REG1B: variants seen among roughly 807,000 people sequenced by gnomAD.
The protein encoded by REG1B is lithostathine-1-beta.
Under a neutral mutation model 20.4 loss-of-function variants are expected in REG1B, and 21 were observed. That is an observed-to-expected ratio of 1.03 (90% CI 0.73 to 1.48). The LOEUF is 1.48. REG1B is among the 40% of genes most tolerant of loss of function. REG1B has a pLI of 0.00. For synonymous variants in REG1B, 82 were observed against 73.4 expected, an observed-to-expected ratio of 1.12 and a Z score of -0.60; for missense variants, 247 against 197.2, an observed-to-expected ratio of 1.25 and a Z score of -1.51.
intron 4 of REG1B, 48 bp from the exon 5 acceptor site, chr2:79,085,651 A>G (rs146863044): frequency 4.7e-6 from 6 of 1,264,522 alleles, no homozygotes; most frequent in Admixed American, 3.9e-5. Context: ...TCAAAAATCA[A>G]TAGAATAACC....
chr2:79,085,708 A>C, intron 4 of REG1B, 105 bp from the exon 5 acceptor site: 1 of 660,638 alleles, frequency 1.5e-6, no homozygotes, highest in South Asian at 1.9e-5. Flanking sequence ...AGCAGAAAGA[A>C]TAAACATTGT....
intron 2 of REG1B, chr2:79,087,228 G>T (rs528889874): frequency 5.3e-5 from 28 of 529,412 alleles, no homozygotes; most frequent in Middle Eastern, 5.0e-4. Flanking sequence ...GTTTCTCTCG[G>T]TTTCCCTGCA....
chr2:79,086,309 A>ACC, intron 4 of REG1B, 58 bp downstream of exon 4: 1 of 1,588,664 alleles, frequency 6.3e-7, no homozygotes, highest in Non-Finnish European at 8.6e-7. Context: ...CAGACCTTAA[A>ACC]CGTCCCTCTT....
chr2:79,086,148 G>C (rs112480069), intron 4 of REG1B: 1 of 540,420 alleles, frequency 1.9e-6, no homozygotes, highest in Non-Finnish European at 3.3e-6. Context: ...CAATGAGTGG[G>C]TGCATGAATT....
chr2:79,086,577 TG>T (rs1475745644), intron 3 of REG1B, 73 bp from the exon 4 acceptor site: 5 of 1,572,526 alleles, frequency 3.2e-6, no homozygotes, highest in Non-Finnish European at 2.6e-6. Flanking sequence ...TTCCAGAGGA[TG>T]TAACAGAAAA....
chr2:79,086,339 A>G (rs767956760), intron 4 of REG1B, 28 bp downstream of exon 4: 3 of 1,612,722 alleles, frequency 1.9e-6, no homozygotes, highest in Admixed American at 1.7e-5. Flanking sequence ...AAATGTTTAT[A>G]AGGAGATAGA....
Position 79,085,601 on chromosome 2 carries a change from G to T in REG1B, c.324C>A (p.Asn108Lys). The change falls in exon 5 of 6, where the codon AAC (asparagine) becomes AAA (lysine). Residue 108 changes from asparagine to lysine, a missense_variant and splice_region_variant. Coordinates refer to ENST00000305089, the MANE Select transcript of REG1B (RefSeq NM_006507.4). ...ACCCACTACTCCAGTGCCAGCGGCG[G>T]TTCTAGATGGAGAAGGGCCAGAACA... ...VWIGLHDPKK[N>K]RRWHWSSGSL... is the part of the protein sequence containing the mutation. 1.2e-6 allele frequency: 2 copies of T among 1,608,244 alleles called. No homozygotes were observed. The highest frequency in any genetic ancestry group is 1.7e-6 in the Non-Finnish European group (2 of 1,175,930).
Position 79,085,120 on chromosome 2 carries a change from A to T in REG1B, c.*96T>A, listed in dbSNP as rs2104015562. On this transcript the variant is annotated 3_prime_UTR_variant, in exon 6 of 6. Coordinates refer to ENST00000305089, the MANE Select transcript of REG1B (RefSeq NM_006507.4). ...CAGCGATGCAAACTCATTAGGGAGG[A>T]GATGGTCTGAACTGAGTTGGAGACA... is the stretch of plus-strand genomic sequence containing the variant. 2.4e-6 allele frequency: 2 copies of T among 822,100 alleles called. No homozygotes were observed. The highest frequency in any genetic ancestry group is 4.9e-5 in the East Asian group (2 of 41,192). The allele number at this position is 822,100 out of a possible 1,614,324, so 50.9% of individuals were successfully genotyped here.
At position 79,085,143 on chromosome 2, in the gene REG1B, A is replaced by G. The variant is rs112997847; in HGVS notation, c.*73T>C. 9.4e-7 allele frequency: 1 copy of G among 1,059,374 alleles called. No individual in the cohort carries two copies. Among genetic ancestry groups the G allele is most frequent in the Non-Finnish European group, 1.5e-6 (1 of 678,628 alleles). 65.6% of individuals were successfully genotyped at this position (1,059,374 alleles called of 1,614,324 possible). On this transcript the variant is annotated 3_prime_UTR_variant, in exon 6 of 6. Coordinates refer to ENST00000305089, the MANE Select transcript of REG1B (RefSeq NM_006507.4). ...GGAGATGGTCTGAACTGAGTTGGAG[A>G]CATAGTCTAGTTTAATTTTTGACTT...
chr2:79,086,533 T>C (rs1229426114), intron 3 of REG1B, 29 bp from the exon 4 acceptor site: 1 of 1,611,526 alleles, frequency 6.2e-7, no homozygotes. Flanking sequence ...GAGCACTCAG[T>C]GGAGAAGGAA....
chr2:79,085,524 G>A lies in REG1B; in HGVS notation c.401C>T (p.Ala134Val), dbSNP rs758787047. The change falls in exon 5 of 6, where the codon GCT (alanine) becomes GTT (valine). Residue 134 changes from alanine to valine, a missense_variant. Transcript: ENST00000305089. Reference sequence around the variant, plus strand: ...TGAAGTCAGGCTTGCACAGTAGCCAGCATTAGCACTGCTCGGGGATCCAGT... The same window carrying A: ...TGAAGTCAGGCTTGCACAGTAGCCAACATTAGCACTGCTCGGGGATCCAGT... Reference protein sequence around the residue: ...WDTGSPSSANAGYCASLTSCS... With the variant: ...WDTGSPSSANVGYCASLTSCS... 2 of 1,613,864 alleles carry A rather than the reference G, an allele frequency of 1.2e-6. No individual in the cohort carries two copies. Among genetic ancestry groups the A allele is most frequent in the South Asian group, 2.2e-5 (2 of 91,078 alleles).
intron 4 of REG1B, 149 bp downstream of exon 4, chr2:79,086,218 A>G (rs1573185126): frequency 1.2e-6 from 1 of 820,076 alleles, no homozygotes; most frequent in South Asian, 1.8e-5. Flanking sequence ...ACTGAACTTC[A>G]CAACTCATAC....
chr2:79,085,091 A>T lies in REG1B; in HGVS notation c.*125T>A. The stretch of plus-strand genomic sequence containing the variant: ...AGACTGAGACAGGTGAAGGTACTGA[A>T]GATCAGCGATGCAAACTCATTAGGG... On this transcript the variant is annotated 3_prime_UTR_variant, in exon 6 of 6. Transcript: ENST00000305089. 1 of 699,166 alleles carries T rather than the reference A, an allele frequency of 1.4e-6. No individual in the cohort carries two copies. Among genetic ancestry groups the T allele is most frequent in the Non-Finnish European group, 2.6e-6 (1 of 386,436 alleles). 43.3% of individuals were successfully genotyped at this position (699,166 alleles called of 1,614,324 possible).
intron 4 of REG1B, 71 bp from the exon 5 acceptor site, chr2:79,085,674 A>G (rs1238444773): frequency 1.1e-6 from 1 of 905,986 alleles, no homozygotes; most frequent in Non-Finnish European, 1.7e-6. Flanking sequence ...GCCTGTGTGC[A>G]CACTCAGAAA....
chr2:79,087,754 A>C (rs1179595974), intron 1 of REG1B, 96 bp from the exon 2 acceptor site: 4 of 721,212 alleles, frequency 5.5e-6, no homozygotes, highest in Non-Finnish European at 8.8e-6. Context: ...GTGAGCCGAA[A>C]GGTCCACTGA....
chr2:79,087,097 A>G, intron 2 of REG1B, 167 bp from the exon 3 acceptor site: 2 of 621,646 alleles, frequency 3.2e-6, no homozygotes. Context: ...TTTTCTCTCT[A>G]GTTTCCTCTG....
chr2:79,085,401 C>T (rs750636286), intron 5 of REG1B, 91 bp downstream of exon 5: 2 of 1,357,786 alleles, frequency 1.5e-6, no homozygotes, highest in African/African-American at 2.8e-5. Flanking sequence ...AGATAAGGAG[C>T]TTACCTTTCC....
chr2:79,087,683 G>T, intron 1 of REG1B, 25 bp from the exon 2 acceptor site: 4 of 1,476,008 alleles, frequency 2.7e-6, no homozygotes, highest in Non-Finnish European at 3.8e-6. Flanking sequence ...AGGGAAGAGG[G>T]TTTGAAGAAG....
intron 4 of REG1B, 30 bp from the exon 5 acceptor site, chr2:79,085,633 A>G (rs1231630155): frequency 2.8e-6 from 4 of 1,446,356 alleles, no homozygotes; most frequent in Admixed American, 1.8e-5. Flanking sequence ...AACAGGGGCC[A>G]TGGTCACTCA....
Sources: allele counts gnomAD v4.1 joint callset, GRCh38; gene constraint gnomAD v4.1.1; transcripts MANE v1.5; gene names NCBI Gene and HGNC (gene_info 2026-07-23, HGNC 2026-07-21).